Variants in RALYL observed in about 807,000 individuals in gnomAD.
RALYL encodes the protein RNA-binding Raly-like protein.
A neutral mutation model predicts 35.1 loss-of-function variants in RALYL; 29 were observed. The observed-to-expected ratio is 0.83, with a 90% CI of 0.61 to 1.13. RALYL has a LOEUF of 1.13. RALYL is among the 50% of genes most tolerant of loss of function. RALYL has a pLI of 0.00. For synonymous variants in RALYL, 120 were observed against 127.6 expected (o/e 0.94, Z 0.40); for missense variants, 359 against 360.4 (o/e 1.00, Z 0.03).
intron 1 of RALYL, among the ~76,000 whole-genome samples, chr8:84,399,291 G>A (rs1055884170): frequency 2.0e-5 from 3 of 152,174 alleles, no homozygotes; most frequent in African/African-American, 4.8e-5. Flanking sequence ...CTTAGAAATA[G>A]TTTCTGTTAG....
intron 1 of RALYL, among the ~76,000 whole-genome samples, chr8:84,270,431 A>G (rs1472802373): frequency 6.6e-6 from 1 of 152,170 alleles, no homozygotes; most frequent in East Asian, 1.9e-4. Context: ...CTTCAAAGTA[A>G]TTATTCAGGA....
intron 2 of RALYL, among the ~76,000 whole-genome samples, chr8:84,701,259 G>C (rs535542984): frequency 6.6e-6 from 1 of 152,102 alleles, no homozygotes. Flanking sequence ...GGAGTACATG[G>C]TCCAAGTTGC....
At chr8:84,395,940 C>A (rs1263023037) in intron 1 of RALYL, among the ~76,000 whole-genome samples, 1 of 151,850 alleles carries the variant, frequency 6.6e-6, no homozygotes, top group Admixed American at 6.6e-5. Context: ...GAATGCAGTT[C>A]TTCATAGAAT....
chr8:84,216,585 T>C (rs1820890233), intron 1 of RALYL, among the ~76,000 whole-genome samples: 1 of 152,106 alleles, frequency 6.6e-6, no homozygotes, highest in Non-Finnish European at 1.5e-5. Context: ...AACTCAGTCA[T>C]TTAGCAGAGG....
intron 2 of RALYL, among the ~76,000 whole-genome samples, chr8:84,575,384 A>G (rs1809108667): frequency 6.6e-6 from 1 of 152,158 alleles, no homozygotes; most frequent in Admixed American, 6.6e-5. Context: ...CTTCTATAGA[A>G]TTATAAAAGC....
At chr8:84,908,798 T>C (rs992148729) in intron 8 of RALYL, among the ~76,000 whole-genome samples, 1 of 151,864 alleles carries the variant, frequency 6.6e-6, no homozygotes, top group East Asian at 1.9e-4. Flanking sequence ...CCTGCTGATC[T>C]GCATTTCGTG....
At chr8:84,203,858 C>T (rs1182727392) in intron 1 of RALYL, among the ~76,000 whole-genome samples, 1 of 151,918 alleles carries the variant, frequency 6.6e-6, no homozygotes, top group African/African-American at 2.4e-5. Flanking sequence ...CACTGATGCC[C>T]TGGATGAAAA....
intron 1 of RALYL, among the ~76,000 whole-genome samples, chr8:84,441,000 T>G (rs1160387919): frequency 6.6e-6 from 1 of 152,062 alleles, no homozygotes; most frequent in African/African-American, 2.4e-5. Context: ...TGAATGGAAT[T>G]TTCCATTGTT....
intron 1 of RALYL, among the ~76,000 whole-genome samples, chr8:84,464,517 C>A (rs1215316369): frequency 6.6e-6 from 1 of 150,650 alleles, no homozygotes; most frequent in Non-Finnish European, 1.5e-5. Flanking sequence ...ATATGTGCCA[C>A]ATTTTCTTAA....
At chr8:84,741,056 A>G (rs1807174764) in intron 2 of RALYL, among the ~76,000 whole-genome samples, 1 of 152,000 alleles carries the variant, frequency 6.6e-6, no homozygotes, top group African/African-American at 2.4e-5. Flanking sequence ...GGCCAGAAGA[A>G]AAGGAGTTAT....
At chr8:84,882,586 T>G (rs1248831096) in intron 7 of RALYL, among the ~76,000 whole-genome samples, 1 of 152,096 alleles carries the variant, frequency 6.6e-6, no homozygotes, top group East Asian at 1.9e-4. Context: ...TTATTTTAAT[T>G]AGTTGATTCC....
chr8:84,857,523 GT>G (rs1350130359), intron 5 of RALYL, among the ~76,000 whole-genome samples: 1 of 152,132 alleles, frequency 6.6e-6, no homozygotes, highest in Non-Finnish European at 1.5e-5. Context: ...ACATTTTTCA[GT>G]TTCTTTTCTT....
At chr8:84,665,530 C>G (rs1831833666) in intron 2 of RALYL, among the ~76,000 whole-genome samples, 3 of 151,976 alleles carry the variant, frequency 2.0e-5, no homozygotes, top group African/African-American at 7.2e-5. Context: ...CTGCTTCAGT[C>G]TTGGGAGGGT....
intron 1 of RALYL, among the ~76,000 whole-genome samples, chr8:84,297,582 T>C (rs1240049791): frequency 2.0e-5 from 3 of 152,152 alleles, no homozygotes; most frequent in African/African-American, 2.4e-5. Context: ...AATAATGGGA[T>C]TGATAGGTCG....
chr8:84,764,345 A>T (rs117097384), intron 2 of RALYL, among the ~76,000 whole-genome samples: 1,903 of 152,340 alleles, frequency 0.012, 20 homozygotes, highest in Non-Finnish European at 0.02. Flanking sequence ...TTGTATGTTC[A>T]AATAATTATT....
At chr8:84,487,757 AC>A in intron 1 of RALYL, among the ~76,000 whole-genome samples, 1 of 152,100 alleles carries the variant, frequency 6.6e-6, no homozygotes, top group South Asian at 2.1e-4. Flanking sequence ...ATACTTGCAA[AC>A]CCCTTCTTAT....
In RALYL at chr8:84,450,003, C is replaced by T. The variant is rs530927811; in HGVS notation, c.-23-79296C>T. The stretch of plus-strand genomic sequence containing the variant: ...GGCTCATGTCTGAACGCATAGAAGG[C>T]GTTCAGAAAAAAAAATGAACAAATG... On this transcript the variant is annotated intron_variant, in intron 1 of 8. Coordinates refer to ENST00000521268, the MANE Select transcript of RALYL (RefSeq NM_173848.7). Among the ~76,000 whole-genome samples, 294 of 150,798 alleles carry T rather than the reference C, an allele frequency of 1.9e-3. 1 individual carries two copies. The highest frequency in any genetic ancestry group is 0.01 in the Middle Eastern group (3 of 290).
intron 1 of RALYL, among the ~76,000 whole-genome samples, chr8:84,228,394 A>T (rs923402049): frequency 7.2e-6 from 1 of 139,514 alleles, no homozygotes; most frequent in Middle Eastern, 3.8e-3. Context: ...ACACTTGACC[A>T]TAGGTATCTG....
At chr8:84,815,962 A>G (rs1286893809) in intron 4 of RALYL, among the ~76,000 whole-genome samples, 1 of 143,500 alleles carries the variant, frequency 7.0e-6, no homozygotes, top group Non-Finnish European at 1.5e-5. Context: ...TGAACCGGGG[A>G]GTCAGAGGTT....
Sources: gnomAD v4.1 joint callset for allele counts (sites outside exome capture counted in the v4.1 genomes callset) on GRCh38, gnomAD v4.1.1 for gene constraint, MANE v1.5 for transcripts, NCBI Gene and HGNC (gene_info 2026-07-23, HGNC 2026-07-21) for gene names.